SAMTOR: variants seen among roughly 807,000 people sequenced by gnomAD.
SAMTOR encodes the protein UPF0532 protein C7orf60.
At chr7:112,868,385 A>G in the SAMTOR span, among the ~76,000 whole-genome samples, 4 of 152,200 alleles carry the variant, frequency 2.6e-5, no homozygotes, top group African/African-American at 9.7e-5. Context: ...GCAAGCCAGC[A>G]ATCCTCGTGA....
chr7:112,927,704 A>G, the SAMTOR span, among the ~76,000 whole-genome samples: 1 of 152,028 alleles, frequency 6.6e-6, no homozygotes, highest in East Asian at 1.9e-4. Context: ...AGAATTCACA[A>G]ATTATTTTTA....
At chr7:112,920,924 C>A in the SAMTOR span, among the ~76,000 whole-genome samples, 1 of 152,114 alleles carries the variant, frequency 6.6e-6, no homozygotes, top group Non-Finnish European at 1.5e-5. Context: ...GAACTACAAA[C>A]CACTGCTCAA....
the SAMTOR span, among the ~76,000 whole-genome samples, chr7:112,867,637 T>C: frequency 6.6e-6 from 1 of 152,222 alleles, no homozygotes; most frequent in Non-Finnish European, 1.5e-5. Context: ...GTCAAAACTT[T>C]TGGATAATGT....
At chr7:112,897,963 G>C in the SAMTOR span, among the ~76,000 whole-genome samples, 171 of 152,254 alleles carry the variant, frequency 1.1e-3, no homozygotes, top group East Asian at 0.014. Context: ...CCCAAGCCCC[G>C]GCAGTACACC....
chr7:112,928,077 TAA>T, the SAMTOR span, among the ~76,000 whole-genome samples: 12 of 152,010 alleles, frequency 7.9e-5, no homozygotes, highest in Admixed American at 4.6e-4. Flanking sequence ...TTCATTAATT[TAA>T]AAAGAGTTCC....
chr7:112,906,848 G>C, the SAMTOR span, among the ~76,000 whole-genome samples: 1,339 of 152,224 alleles, frequency 8.8e-3, 18 homozygotes, highest in African/African-American at 0.03. Context: ...GGGATTATAG[G>C]CATGAGCCAC....
chr7:112,867,983 T>C, the SAMTOR span, among the ~76,000 whole-genome samples: 1 of 152,168 alleles, frequency 6.6e-6, no homozygotes, highest in South Asian at 2.1e-4. Flanking sequence ...TGAACCCTAC[T>C]GTGAAATGCA....
At chr7:112,889,290 C>A in the SAMTOR span, among the ~76,000 whole-genome samples, 3 of 152,158 alleles carry the variant, frequency 2.0e-5, no homozygotes, top group African/African-American at 7.2e-5. Context: ...AGTATCAATT[C>A]TTTTGGGAAG....
At chr7:112,844,288 G>A in the SAMTOR span, among the ~76,000 whole-genome samples, 1 of 152,180 alleles carries the variant, frequency 6.6e-6, no homozygotes, top group Non-Finnish European at 1.5e-5. Context: ...AATCGGATAA[G>A]AGAAAGAAAT....
At chr7:112,915,269 T>C in the SAMTOR span, 25 of 1,559,838 alleles carry the variant, frequency 1.6e-5, no homozygotes, top group African/African-American at 2.7e-4. Flanking sequence ...CAACAATACA[T>C]TTGAAACCAA....
chr7:112,823,627 G>A, the SAMTOR span, among the ~76,000 whole-genome samples: 1 of 152,150 alleles, frequency 6.6e-6, no homozygotes, highest in Admixed American at 6.5e-5. Context: ...AAGCTGCTGT[G>A]AGTATTCCCA....
the SAMTOR span, among the ~76,000 whole-genome samples, chr7:112,833,512 C>T: frequency 6.6e-5 from 10 of 152,218 alleles, no homozygotes; most frequent in Non-Finnish European, 1.3e-4. Context: ...CTCACTATTA[C>T]CATGTTTTAT....
the SAMTOR span, among the ~76,000 whole-genome samples, chr7:112,920,259 G>T: frequency 6.6e-6 from 1 of 152,316 alleles, no homozygotes; most frequent in South Asian, 2.1e-4. Flanking sequence ...CCATGATCAA[G>T]TGGGCTTCAT....
chr7:112,852,044 C>A, the SAMTOR span, among the ~76,000 whole-genome samples: 1 of 152,058 alleles, frequency 6.6e-6, no homozygotes, highest in Non-Finnish European at 1.5e-5. Flanking sequence ...ATTAGTGCCA[C>A]CTCTATGGAA....
the SAMTOR span, among the ~76,000 whole-genome samples, chr7:112,865,242 A>G: frequency 2.6e-5 from 4 of 152,090 alleles, no homozygotes; most frequent in African/African-American, 9.7e-5. Context: ...TGAGGCCAGG[A>G]GTTCGAGACC....
chr7:112,934,448 T>C, the SAMTOR span, among the ~76,000 whole-genome samples: 2 of 152,214 alleles, frequency 1.3e-5, no homozygotes, highest in Non-Finnish European at 2.9e-5. Flanking sequence ...CTAATAGCTA[T>C]CTACATTTTC....
the SAMTOR span, chr7:112,939,610 G>T: frequency 6.2e-7 from 1 of 1,613,916 alleles, no homozygotes; most frequent in Non-Finnish European, 8.5e-7. Flanking sequence ...ACTTCTTGCG[G>T]AGCCGCCGGT....
the SAMTOR span, among the ~76,000 whole-genome samples, chr7:112,842,783 C>G: frequency 4.6e-5 from 7 of 151,816 alleles, no homozygotes; most frequent in Non-Finnish European, 7.4e-5. Context: ...AGACAATAGA[C>G]TTTGAGTATC....
the SAMTOR span, among the ~76,000 whole-genome samples, chr7:112,858,755 A>C: frequency 1.3e-5 from 2 of 152,186 alleles, no homozygotes; most frequent in Non-Finnish European, 2.9e-5. Context: ...AAAAGTAGAG[A>C]ATATATAATA....
Sources: allele counts gnomAD v4.1 joint callset (sites outside exome capture counted in the v4.1 genomes callset), GRCh38; gene constraint gnomAD v4.1.1; transcripts MANE v1.5; gene names NCBI Gene and HGNC (gene_info 2026-07-23, HGNC 2026-07-21).